CASD1: variants seen among roughly 807,000 people sequenced by gnomAD.
CASD1 encodes N-acetylneuraminate (7)9-O-acetyltransferase.
A neutral mutation model predicts 100.0 loss-of-function variants in CASD1; 41 were observed. The observed-to-expected ratio is 0.41, with a 90% CI of 0.32 to 0.53. The LOEUF (loss-of-function observed/expected upper bound fraction) is 0.53, where lower values mean the gene tolerates loss of function less well. Among genes scored for constraint, CASD1 ranks in the 20% least tolerant of loss-of-function variants. CASD1 has a pLI of 0.25. For synonymous variants in CASD1, 321 were observed against 315.6 expected (o/e 1.02, Z -0.18); for missense variants, 774 against 948.7 (o/e 0.82, Z 2.42).
the CASD1 span, chr7:94,628,194 T>G: frequency 6.2e-7 from 1 of 1,607,708 alleles, no homozygotes; most frequent in Non-Finnish European, 8.5e-7. Flanking sequence ...TTTCTAGGTG[T>G]AAATTACCTC....
the CASD1 span, among the ~76,000 whole-genome samples, chr7:94,562,992 G>A: frequency 1.7e-4 from 26 of 152,056 alleles, no homozygotes; most frequent in East Asian, 3.9e-3. Flanking sequence ...AAGAGACACC[G>A]GAACAACCTG....
the CASD1 span, chr7:94,625,639 A>G: frequency 1.3e-5 from 2 of 152,148 alleles, no homozygotes; most frequent in African/African-American, 2.4e-5. Flanking sequence ...CCAAAATGGC[A>G]AACTATTACA....
In CASD1 at chr7:94,512,680, A is replaced by T. The variant is rs538440074; in HGVS notation, c.133+2463A>T. ...TCTATGAGGTAGATACAATTACCAT[A>T]TTTCACTCCTCTCCACTATTTTTAA... is the stretch of plus-strand genomic sequence containing the variant. On this transcript the variant is annotated intron_variant, in intron 1 of 17. Coordinates refer to ENST00000297273, the MANE Select transcript of CASD1 (RefSeq NM_022900.5). Among the ~76,000 whole-genome samples the T allele has an allele frequency of 2.6e-5, 4 of 152,260 alleles. No individual in the cohort carries two copies. The East Asian group carries it at 7.7e-4, about 29-fold the overall frequency.
At chr7:94,629,387 T>G in the CASD1 span, 16 of 239,976 alleles carry the variant, frequency 6.7e-5, no homozygotes, top group East Asian at 1.5e-3. Context: ...CAAAAATCAA[T>G]GTACTATGTG....
chr7:94,576,524 A>C, the CASD1 span, among the ~76,000 whole-genome samples: 40 of 152,304 alleles, frequency 2.6e-4, no homozygotes, highest in South Asian at 8.3e-3. Context: ...TATCCTAGAA[A>C]AGTGATTTAT....
At chr7:94,519,487 A>G (rs1004546711) in intron 3 of CASD1, among the ~76,000 whole-genome samples, 2 of 152,176 alleles carry the variant, frequency 1.3e-5, no homozygotes. Flanking sequence ...ATCTTTAGCA[A>G]CTATTCCATG....
the CASD1 span, chr7:94,598,612 G>T: frequency 1.5e-6 from 1 of 667,122 alleles, no homozygotes. Flanking sequence ...TAATTGTATT[G>T]TATATTTCAG....
chr7:94,624,136 A>G, the CASD1 span: 497 of 395,634 alleles, frequency 1.3e-3, 2 homozygotes, highest in Non-Finnish European at 2.1e-4. Context: ...CAGATATTAA[A>G]TCATTCGGAC....
At chr7:94,601,458 A>AAAAAAAAAAAAAAAC in the CASD1 span, among the ~76,000 whole-genome samples, 1 of 68,446 alleles carries the variant, frequency 1.5e-5, no homozygotes, top group East Asian at 3.2e-4. Context: ...AAAAAAAAAA[A>AAAAAAAAAAAAAAAC]AAAAAAAAAA....
chr7:94,527,063 C>T (rs527592795), intron 3 of CASD1, 99 bp from the exon 4 acceptor site: 412 of 912,822 alleles, frequency 4.5e-4, no homozygotes, highest in Non-Finnish European at 6.7e-4. Flanking sequence ...AATATATCAA[C>T]AAAAATATGC....
chr7:94,554,685 G>A (rs982834646), intron 17 of CASD1, 110 bp downstream of exon 17: 14 of 576,626 alleles, frequency 2.4e-5, no homozygotes, highest in East Asian at 8.8e-5. Flanking sequence ...AAAATCGGAC[G>A]TACTTTTTTC....
intron 1 of CASD1, among the ~76,000 whole-genome samples, chr7:94,510,932 T>TA (rs1793676533): frequency 6.6e-6 from 1 of 152,198 alleles, no homozygotes; most frequent in African/African-American, 2.4e-5. Context: ...TTGACAGGCG[T>TA]AAAGGTGGGC....
chr7:94,558,728 C>T (rs747920007), downstream of CASD1, among the ~76,000 whole-genome samples: 1 of 152,022 alleles, frequency 6.6e-6, no homozygotes, highest in African/African-American at 2.4e-5. Flanking sequence ...AGGAAGTGGT[C>T]GTCCAAACTA....
the CASD1 span, among the ~76,000 whole-genome samples, chr7:94,609,820 A>G: frequency 6.6e-6 from 1 of 152,200 alleles, no homozygotes; most frequent in Admixed American, 6.5e-5. Flanking sequence ...ACAAAATAAC[A>G]TACTTTTACC....
chr7:94,545,174 T>C (rs1316617534), intron 11 of CASD1, among the ~76,000 whole-genome samples: 4 of 152,098 alleles, frequency 2.6e-5, no homozygotes, highest in Non-Finnish European at 5.9e-5. Context: ...ATGGGGTAAG[T>C]CAACATTAAA....
chr7:94,600,603 T>C, the CASD1 span: 1 of 1,410,398 alleles, frequency 7.1e-7, no homozygotes, highest in Non-Finnish European at 1.0e-6. Context: ...TGTTGTTATC[T>C]TAGCAGGATC....
chr7:94,565,717 C>T, the CASD1 span, among the ~76,000 whole-genome samples: 9 of 152,302 alleles, frequency 5.9e-5, no homozygotes, highest in East Asian at 1.4e-3. Flanking sequence ...TTCTCGTTGC[C>T]TGCCGAGCAT....
intron 8 of CASD1, among the ~76,000 whole-genome samples, chr7:94,536,793 A>G (rs1028984130): frequency 6.6e-6 from 1 of 152,228 alleles, no homozygotes; most frequent in Non-Finnish European, 1.5e-5. Flanking sequence ...TGAATCTTCA[A>G]CTAGACAGAC....
the CASD1 span, among the ~76,000 whole-genome samples, chr7:94,582,261 G>C: frequency 6.6e-6 from 1 of 152,056 alleles, no homozygotes; most frequent in Admixed American, 6.6e-5. Flanking sequence ...TGGATTACAG[G>C]TGCCCGCCAC....
Sources: allele counts gnomAD v4.1 joint callset (sites outside exome capture counted in the v4.1 genomes callset), GRCh38; gene constraint gnomAD v4.1.1; transcripts MANE v1.5; gene names NCBI Gene and HGNC (gene_info 2026-07-23, HGNC 2026-07-21).